The following TRIM44 variants were observed in gnomAD, a reference collection of about 807,000 sequenced individuals.
The protein encoded by TRIM44 is tripartite motif-containing protein 44.
A neutral mutation model predicts 37.4 loss-of-function variants in TRIM44; 13 were observed. That is an observed-to-expected ratio of 0.35 (90% CI 0.23 to 0.55). The LOEUF (loss-of-function observed/expected upper bound fraction) is 0.55, where lower values mean the gene tolerates loss of function less well. Among genes scored for constraint, TRIM44 ranks in the 20% least tolerant of loss-of-function variants. The pLI is 0.89. For missense variants in TRIM44, 426 were observed against 437.2 expected, an observed-to-expected ratio of 0.97 and a Z score of 0.23; for synonymous variants, 175 against 157.2, an observed-to-expected ratio of 1.11 and a Z score of -0.85.
At chr11:35,775,234 G>C (rs958481391) in intron 4 of TRIM44, among the ~76,000 whole-genome samples, 3 of 151,972 alleles carry the variant, frequency 2.0e-5, no homozygotes, top group Non-Finnish European at 2.9e-5. Context: ...TGAAGCAATT[G>C]TGAATGGGAG....
chr11:35,803,082 G>A (rs1302540689), intron 4 of TRIM44, among the ~76,000 whole-genome samples: 1 of 152,158 alleles, frequency 6.6e-6, no homozygotes, highest in Admixed American at 6.5e-5. Flanking sequence ...CTGGAAGATA[G>A]CATTTCGATG....
chr11:35,725,918 C>A lies in TRIM44; in HGVS notation c.748-6C>A. ...CTTATTCTTCTTATTTGTCTCTGTT[C>A]TAAAGGTAACTCGGGACCAAATGAA... On this transcript the variant is annotated splice_region_variant and splice_polypyrimidine_tract_variant and intron_variant, in intron 2 of 4. Coordinates refer to ENST00000299413, the MANE Select transcript of TRIM44 (RefSeq NM_017583.6). 2 of 1,613,388 alleles carry A rather than the reference C, an allele frequency of 1.2e-6. No individual in the cohort carries two copies. Among genetic ancestry groups the A allele is most frequent in the South Asian group, 1.1e-5 (1 of 91,016 alleles).
chr11:35,685,812 C>T (rs149856604), intron 2 of TRIM44, among the ~76,000 whole-genome samples: 1,959 of 152,222 alleles, frequency 0.013, 45 homozygotes, highest in African/African-American at 0.044. Context: ...TACAGGCCTG[C>T]GCCACCATGC....
chr11:35,745,967 A>G (rs1303010070), intron 4 of TRIM44, among the ~76,000 whole-genome samples: 1 of 152,162 alleles, frequency 6.6e-6, no homozygotes, highest in Non-Finnish European at 1.5e-5. Context: ...AAAAGACTCT[A>G]TTCAAGGACC....
rs547658985 is a variant in TRIM44 at position 35,740,077 on chromosome 11, G to A, written c.1007+4632G>A. On this transcript the variant is annotated intron_variant, in intron 4 of 4. Transcript: ENST00000299413. ...TCGTGCCACTGCAGTCCAGCCTGGT[G>A]ACAGAGCAAGACTCTGTCTAAAAAA... 2.0e-3 allele frequency among the ~76,000 whole-genome samples: 266 copies of A among 131,406 alleles called. 1 individual carries two copies. The highest frequency in any genetic ancestry group is 7.4e-3 in the African/African-American group (257 of 34,546). 86.2% of individuals were successfully genotyped at this position (131,406 alleles called of 152,430 possible).
At chr11:35,758,874 T>C (rs942048281) in intron 4 of TRIM44, among the ~76,000 whole-genome samples, 10 of 152,246 alleles carry the variant, frequency 6.6e-5, no homozygotes, top group African/African-American at 2.2e-4. Flanking sequence ...CATCAGCCGT[T>C]AGTCTGATGG....
intron 4 of TRIM44, among the ~76,000 whole-genome samples, chr11:35,752,453 C>T (rs758608500): frequency 1.3e-5 from 2 of 152,162 alleles, no homozygotes; most frequent in Non-Finnish European, 2.9e-5. Context: ...CTATGAATTA[C>T]ATTGTGTCTG....
intron 2 of TRIM44, among the ~76,000 whole-genome samples, chr11:35,697,195 C>T (rs1381810064): frequency 2.1e-5 from 3 of 145,926 alleles, no homozygotes; most frequent in Non-Finnish European, 4.5e-5. Flanking sequence ...GGTATATCTC[C>T]TAATGCTATC....
chr11:35,715,119 C>T (rs1447319362), intron 2 of TRIM44, among the ~76,000 whole-genome samples: 4 of 152,170 alleles, frequency 2.6e-5, no homozygotes, highest in African/African-American at 9.7e-5. Context: ...GCATCCAATT[C>T]AGTGTCATGT....
At chr11:35,754,900 A>G (rs1370356547) in intron 4 of TRIM44, among the ~76,000 whole-genome samples, 1 of 151,928 alleles carries the variant, frequency 6.6e-6, no homozygotes, top group Non-Finnish European at 1.5e-5. Context: ...AATCCAGTCT[A>G]TCGTTGTTGG....
intron 4 of TRIM44, among the ~76,000 whole-genome samples, chr11:35,777,745 G>A (rs571682619): frequency 6.6e-6 from 1 of 152,290 alleles, no homozygotes; most frequent in East Asian, 1.9e-4. Context: ...GAAATTCTGG[G>A]TTGAAAATTC....
rs182814161 is a variant in TRIM44 at position 35,771,116 on chromosome 11, G to T, written c.1008-35242G>T. Among the ~76,000 whole-genome samples the T allele has an allele frequency of 2.6e-5, 4 of 152,254 alleles. No homozygotes were observed. The East Asian group carries it at 7.7e-4, about 29-fold the overall frequency. ...AAGCAGAGGTTGGAACAGTTTGGAG[G>T]GCTCACAAGAAGACAGGGAAATGTG... On this transcript the variant is annotated intron_variant, in intron 4 of 4. Transcript: ENST00000299413.
chr11:35,769,208 T>C (rs1046115941), intron 4 of TRIM44, among the ~76,000 whole-genome samples: 5 of 152,228 alleles, frequency 3.3e-5, no homozygotes, highest in African/African-American at 1.2e-4. Flanking sequence ...CTCAGACTCC[T>C]CATCATCTTG....
rs536463921 is a variant in TRIM44 at position 35,813,614 on chromosome 11, A to G, written c.*7229A>G. The G allele has an allele frequency of 3.3e-5, 5 of 152,322 alleles. No homozygotes were observed. Among genetic ancestry groups the G allele is most frequent in the African/African-American group, 1.2e-4 (5 of 41,578 alleles). The allele number at this position is 152,322 out of a possible 1,614,324, so 9.4% of individuals were successfully genotyped here. On this transcript the variant is annotated 3_prime_UTR_variant, in exon 5 of 5. Transcript: ENST00000299413. ...CTGATATATGGGTTATTTAGTGTCAAAAACAGTCTATACACATCTCAATCT... is the reference window on the plus strand; with the variant it reads ...CTGATATATGGGTTATTTAGTGTCAGAAACAGTCTATACACATCTCAATCT...
chr11:35,748,361 A>G lies in TRIM44; in HGVS notation c.1007+12916A>G, dbSNP rs1852520972. 2.0e-5 allele frequency among the ~76,000 whole-genome samples: 3 copies of G among 152,240 alleles called. No individual in the cohort carries two copies. The South Asian group carries it at 6.2e-4, about 32-fold the overall frequency. On this transcript the variant is annotated intron_variant, in intron 4 of 4. Coordinates refer to ENST00000299413, the MANE Select transcript of TRIM44 (RefSeq NM_017583.6). ...GATGAACTTGTTTAGGTACTTAATC[A>G]TCATAGCTATTAGTCCATCAACCCT...
chr11:35,702,454 G>A (rs963141525), intron 2 of TRIM44, among the ~76,000 whole-genome samples: 1 of 152,190 alleles, frequency 6.6e-6, no homozygotes, highest in African/African-American at 2.4e-5. Flanking sequence ...GGATGCCTAT[G>A]AACGGAATCT....
Position 35,807,124 on chromosome 11 carries a change from C to G in TRIM44, c.*739C>G, listed in dbSNP as rs1321452534. On this transcript the variant is annotated 3_prime_UTR_variant, in exon 5 of 5. Transcript: ENST00000299413. Reference sequence around the variant, plus strand: ...AAGTTGAAATCAGTATTTCTGAATTCAAATTGCTTGAATTTCCAAAATAGT... The same window carrying G: ...AAGTTGAAATCAGTATTTCTGAATTGAAATTGCTTGAATTTCCAAAATAGT... 1.3e-5 allele frequency: 2 copies of G among 152,150 alleles called. No individual in the cohort carries two copies. Among genetic ancestry groups the G allele is most frequent in the African/African-American group, 4.8e-5 (2 of 41,428 alleles). The allele number at this position is 152,150 out of a possible 1,614,324, so 9.4% of individuals were successfully genotyped here.
At chr11:35,797,878 A>G (rs755791649) in intron 4 of TRIM44, among the ~76,000 whole-genome samples, 8 of 152,232 alleles carry the variant, frequency 5.3e-5, no homozygotes, top group Non-Finnish European at 4.4e-5. Context: ...GAACTTTAGT[A>G]TGAAGGTATC....
chr11:35,699,733 C>G (rs1851758100), intron 2 of TRIM44, among the ~76,000 whole-genome samples: 1 of 151,556 alleles, frequency 6.6e-6, no homozygotes, highest in African/African-American at 2.4e-5. Context: ...TCTCCTTAAG[C>G]CCATAGGCAA....
Sources: allele counts gnomAD v4.1 joint callset (sites outside exome capture counted in the v4.1 genomes callset), GRCh38; gene constraint gnomAD v4.1.1; transcripts MANE v1.5; gene names NCBI Gene and HGNC (gene_info 2026-07-23, HGNC 2026-07-21).